FLNB: variants seen among roughly 807,000 people sequenced by gnomAD.
FLNB encodes the protein filamin-B.
Under a neutral mutation model 250.6 loss-of-function variants are expected in FLNB, and 111 were observed. The ratio of observed to expected loss-of-function variants is 0.44; its 90% CI spans 0.38 to 0.52. FLNB has a LOEUF of 0.52. Ranked by LOEUF, FLNB falls within the 20% of genes least tolerant of loss-of-function variation. The pLI, the probability that FLNB is intolerant of heterozygous loss-of-function variation, is 0.00. For synonymous variants in FLNB, 1,302 were observed against 1,372.1 expected, an observed-to-expected ratio of 0.95 and a Z score of 1.13; for missense variants, 2,869 against 3,447.8, an observed-to-expected ratio of 0.83 and a Z score of 4.20.
rs764833888 is a variant in FLNB, at chr3:58,106,824, C to T, written c.1892C>T (p.Pro631Leu). The change falls in exon 12 of 46, where the codon CCG becomes CTG. Residue 631 changes from proline to leucine, a missense_variant. Transcript: ENST00000295956. Reference sequence around the variant, plus strand: ...GACGACGAAGACATCAAGGACAGCCCGTACATGGCCTTCATCCACCCAGCC... The same window carrying T: ...GACGACGAAGACATCAAGGACAGCCTGTACATGGCCTTCATCCACCCAGCC... ...MCDDEDIKDS[P>L]YMAFIHPATG... The T allele has an allele frequency of 8.7e-6, 14 of 1,613,920 alleles. No individual in the cohort carries two copies. The highest frequency in any genetic ancestry group is 1.7e-5 in the Admixed American group (1 of 59,998).
At chr3:58,012,256 C>T (rs1187700023) in intron 1 of FLNB, among the ~76,000 whole-genome samples, 1 of 150,206 alleles carries the variant, frequency 6.7e-6, no homozygotes, top group African/African-American at 2.5e-5. Context: ...GTTTGCACAC[C>T]GAAGGGACGT....
At position 58,123,445 on chromosome 3, in the gene FLNB, A is replaced by T. The variant is rs769279387; in HGVS notation, c.3479A>T (p.Glu1160Val). Residue 1160 changes from glutamate (E) to valine (V), a missense_variant, in exon 21 of 46, where the codon GAA becomes GTA. Coordinates refer to ENST00000295956, the MANE Select transcript of FLNB (RefSeq NM_001457.4). ...GGCCTCCTTAGCGTCGACTGCTCGG[A>T]AGCGGGACCGGGGGCCCTGGGCCTG... ...EAGLLSVDCSEAGPGALGLEA... is the reference protein window; with the variant it reads ...EAGLLSVDCSVAGPGALGLEA... 24 of 1,610,788 alleles carry T rather than the reference A, an allele frequency of 1.5e-5. No homozygotes were observed. The highest frequency in any genetic ancestry group is 4.0e-5 in the African/African-American group (3 of 74,798).
chr3:58,009,008 C>T (rs2097094324), intron 1 of FLNB, 152 bp downstream of exon 1: 3 of 870,864 alleles, frequency 3.4e-6, no homozygotes, highest in Non-Finnish European at 3.6e-6. Context: ...GGGGCCTAGA[C>T]CCCCTCCCCG....
At chr3:58,061,034 A>C (rs1204472386) in intron 1 of FLNB, among the ~76,000 whole-genome samples, 2 of 152,096 alleles carry the variant, frequency 1.3e-5, no homozygotes, top group Non-Finnish European at 2.9e-5. Flanking sequence ...CAGAAAGACA[A>C]TCAGGCAAAC....
chr3:58,081,472 T>G (rs971972895), intron 3 of FLNB, among the ~76,000 whole-genome samples, 157 bp from the exon 4 acceptor site: 5 of 152,188 alleles, frequency 3.3e-5, no homozygotes, highest in African/African-American at 4.8e-5. Context: ...TTAAAAACAC[T>G]GATATTGGTG....
chr3:58,086,543 A>G (rs567258554), intron 4 of FLNB, among the ~76,000 whole-genome samples: 14 of 152,146 alleles, frequency 9.2e-5, no homozygotes, highest in South Asian at 2.1e-4. Context: ...TACCTTTTAA[A>G]ATTTATTTGT....
rs66959533 is a variant in FLNB, at chr3:58,060,808, GA to G, written c.293-16234del. ...AAAAAAAAAAAAAAAAAGAAAGAAA[GA>G]AAAGAAAAGAAAAGAAAAGAAAAAC... On this transcript the variant is annotated intron_variant, in intron 1 of 45. Coordinates refer to ENST00000295956, the MANE Select transcript of FLNB (RefSeq NM_001457.4). 2.4e-3 allele frequency among the ~76,000 whole-genome samples: 163 copies of G among 68,988 alleles called. 2 individuals are homozygous for G. In the East Asian group the frequency reaches 0.04, roughly 17 times the overall value. 45.3% of individuals were successfully genotyped at this position (68,988 alleles called of 152,430 possible).
chr3:58,019,116 G>A (rs765003610), intron 1 of FLNB, among the ~76,000 whole-genome samples: 23 of 152,192 alleles, frequency 1.5e-4, no homozygotes, highest in Middle Eastern at 3.4e-3. Context: ...TAGCCTGGGC[G>A]ACAGAGTGAG....
chr3:58,146,104 G>A (rs979448818), intron 33 of FLNB, 55 bp downstream of exon 33: 15 of 1,600,616 alleles, frequency 9.4e-6, no homozygotes, highest in Admixed American at 5.0e-5. Context: ...GGAGGGTGAA[G>A]TGGACACGGT....
At chr3:58,156,132 G>A in intron 41 of FLNB, 57 bp downstream of exon 41, 1 of 1,320,782 alleles carries the variant, frequency 7.6e-7, no homozygotes, top group Non-Finnish European at 1.1e-6. Context: ...GAGACCCCTG[G>A]ACTCCTGAGG....
intron 13 of FLNB, among the ~76,000 whole-genome samples, chr3:58,108,787 G>C (rs373059245): frequency 4.6e-5 from 7 of 152,180 alleles, no homozygotes; most frequent in Admixed American, 4.6e-4. Context: ...ATATTCTGTG[G>C]AAATGAGGCT....
chr3:58,158,880 G>T (rs2097357160), intron 41 of FLNB, among the ~76,000 whole-genome samples: 1 of 151,942 alleles, frequency 6.6e-6, no homozygotes, highest in South Asian at 2.1e-4. Flanking sequence ...TCTGTGTATG[G>T]GCTAGGCCCT....
chr3:58,148,608 C>T (rs765500485), intron 35 of FLNB, 41 bp from the exon 36 acceptor site: 20 of 1,546,442 alleles, frequency 1.3e-5, no homozygotes, highest in Non-Finnish European at 1.8e-5. Context: ...TGCTTCCTCT[C>T]CGCCATCCCC....
chr3:58,108,586 G>T lies in FLNB; in HGVS notation c.2055+15G>T, dbSNP rs755154129. 23 of 1,516,090 alleles carry T rather than the reference G, an allele frequency of 1.5e-5. No individual in the cohort carries two copies. Among genetic ancestry groups the T allele is most frequent in the Admixed American group, 8.4e-5 (5 of 59,872 alleles). 93.9% of individuals were successfully genotyped at this position (1,516,090 alleles called of 1,614,324 possible). A position where few individuals can be genotyped will look rare whatever the true frequency, so the allele number is the denominator to read the frequency against. ...TATTTGCTCAGGTAAATTTCAGGGG[G>T]CCACCTGTGCAGGTAATTGTCAGGT... On this transcript the variant is annotated intron_variant, in intron 13 of 45. Coordinates refer to ENST00000295956, the MANE Select transcript of FLNB (RefSeq NM_001457.4).
intron 8 of FLNB, among the ~76,000 whole-genome samples, chr3:58,100,692 G>T (rs1313056788): frequency 6.8e-6 from 1 of 147,444 alleles, no homozygotes; most frequent in Non-Finnish European, 1.5e-5. Context: ...CTGCTTCCCT[G>T]GTTCAAGTGA....
intron 1 of FLNB, among the ~76,000 whole-genome samples, chr3:58,020,105 G>A (rs2097111628): frequency 6.7e-6 from 1 of 148,830 alleles, no homozygotes; most frequent in Non-Finnish European, 1.5e-5. Flanking sequence ...GTTGAGGGGA[G>A]TGTTGTTGAG....
At chr3:58,060,498 G>A (rs772408602) in intron 1 of FLNB, among the ~76,000 whole-genome samples, 6 of 151,814 alleles carry the variant, frequency 4.0e-5, no homozygotes, top group South Asian at 2.1e-4. Context: ...GATTACAGGC[G>A]TGTGCCATTG....
intron 1 of FLNB, among the ~76,000 whole-genome samples, chr3:58,068,330 A>G (rs2097188984): frequency 6.6e-6 from 1 of 152,178 alleles, no homozygotes; most frequent in Non-Finnish European, 1.5e-5. Flanking sequence ...CCTGAGCAGG[A>G]GGAGATAAGC....
chr3:58,116,942 T>C (rs1422535845), intron 18 of FLNB, among the ~76,000 whole-genome samples: 1 of 152,250 alleles, frequency 6.6e-6, no homozygotes, highest in East Asian at 1.9e-4. Context: ...GCTTCTACCT[T>C]GAAATGTTCT....
Sources: allele counts gnomAD v4.1 joint callset (sites outside exome capture counted in the v4.1 genomes callset), GRCh38; gene constraint gnomAD v4.1.1; transcripts MANE v1.5; gene names NCBI Gene and HGNC (gene_info 2026-07-23, HGNC 2026-07-21).